HSPA4L: variants seen among roughly 807,000 people sequenced by gnomAD.
HSPA4L encodes heat shock protein family A (Hsp70) member 4 like, also known as heat shock 70 kDa protein 4L.
HSPA4L carries 48 observed loss-of-function variants against 100.3 expected under a neutral mutation model. That is an observed-to-expected ratio of 0.48 (90% CI 0.38 to 0.61). The LOEUF (loss-of-function observed/expected upper bound fraction) is 0.61, where lower values mean the gene tolerates loss of function less well. Among genes scored for constraint, HSPA4L ranks in the 20% least tolerant of loss-of-function variants. HSPA4L has a pLI of 0.00. For missense variants in HSPA4L, 886 were observed against 988.6 expected, an observed-to-expected ratio of 0.90 and a Z score of 1.39; for synonymous variants, 319 against 328.2, an observed-to-expected ratio of 0.97 and a Z score of 0.30.
Position 127,839,097 on chromosome 4 carries a change from T to C in HSPA4L, c.*6223T>C, listed in dbSNP as rs1348560041. 1 of 152,166 alleles carries C rather than the reference T, an allele frequency of 6.6e-6. No homozygotes were observed. Among genetic ancestry groups the C allele is most frequent in the African/African-American group, 2.4e-5 (1 of 41,430 alleles). The allele number at this position is 152,166 out of a possible 1,614,324, so 9.4% of individuals were successfully genotyped here. On this transcript the variant is annotated 3_prime_UTR_variant, in exon 19 of 19. Coordinates refer to ENST00000296464, the MANE Select transcript of HSPA4L (RefSeq NM_014278.4). ...CCCTCATTTTTAATCCAAATATCAA[T>C]TTGACAGAATAACAAGGGTCAGAAA...
chr4:127,784,842 A>T (rs1030770155), intron 1 of HSPA4L, among the ~76,000 whole-genome samples: 1 of 152,270 alleles, frequency 6.6e-6, no homozygotes, highest in East Asian at 1.9e-4. Flanking sequence ...ACACCACAGT[A>T]TTTAATAACA....
At chr4:127,811,404 T>C in intron 11 of HSPA4L, 33 bp from the exon 12 acceptor site, 2 of 1,505,716 alleles carry the variant, frequency 1.3e-6, no homozygotes, top group Non-Finnish European at 1.8e-6. Flanking sequence ...AATCTGAGGC[T>C]CACATACTGA....
rs1366175757 is a variant in HSPA4L, at chr4:127,827,442, C to CA, written c.2166+18_2166+19insA. On this transcript the variant is annotated intron_variant, in intron 17 of 18. Transcript: ENST00000296464. ...GAAACAAGGTATTGAATTCATAAAG[C>CA]CAATTGGTGACGATGGCATGTGCAT... is the stretch of plus-strand genomic sequence containing the variant. The CA allele has an allele frequency of 3.7e-6, 6 of 1,613,064 alleles. No individual in the cohort carries two copies. Among genetic ancestry groups the CA allele is most frequent in the Non-Finnish European group, 4.2e-6 (5 of 1,179,416 alleles).
In HSPA4L at chr4:127,832,841, T is replaced by C. The variant is rs1301686600; in HGVS notation, c.2487T>C (p.His829=). The change falls in exon 19 of 19, where the codon CAT becomes CAC. Residue 829 remains histidine, a synonymous_variant. Coordinates refer to ENST00000296464, the MANE Select transcript of HSPA4L (RefSeq NM_014278.4). The part of the protein sequence containing the change: ...KSDSTKDSSQ[H]TKSSGEMEVD ...ATTCAACAAAAGACAGCTCACAGCA[T>C]ACTAAATCCTCTGGAGAGATGGAAG... 6.2e-7 allele frequency: 1 copy of C among 1,611,298 alleles called. No homozygotes were observed.
intron 17 of HSPA4L, among the ~76,000 whole-genome samples, chr4:127,829,743 A>G (rs1355726650): frequency 6.6e-6 from 1 of 151,940 alleles, no homozygotes; most frequent in Non-Finnish European, 1.5e-5. Flanking sequence ...TATAGAGTTG[A>G]GAGTTAAGGG....
intron 11 of HSPA4L, 34 bp downstream of exon 11, chr4:127,808,163 G>A (rs747887401): frequency 6.4e-7 from 1 of 1,551,492 alleles, no homozygotes; most frequent in Non-Finnish European, 8.7e-7. Context: ...TAACATTTTG[G>A]CCTTTTATAA....
At chr4:127,789,398 G>C (rs532045956) in intron 1 of HSPA4L, among the ~76,000 whole-genome samples, 7 of 152,312 alleles carry the variant, frequency 4.6e-5, no homozygotes, top group South Asian at 4.1e-4. Context: ...TGTAATCCCA[G>C]CACTTTGGGA....
At chr4:127,783,422 GC>G in intron 1 of HSPA4L, 1 of 1,176,946 alleles carries the variant, frequency 8.5e-7, no homozygotes. Flanking sequence ...GGAGTCGGGG[GC>G]AGCTGTCCCG....
At chr4:127,795,698 A>C in intron 2 of HSPA4L, 70 bp from the exon 3 acceptor site, 1 of 1,463,970 alleles carries the variant, frequency 6.8e-7, no homozygotes, top group Non-Finnish European at 9.4e-7. Context: ...GGTGGTTGTC[A>C]AGTACTAGGA....
Position 127,832,705 on chromosome 4 carries a change from C to T in HSPA4L, c.2351C>T (p.Pro784Leu). Reference sequence around the variant, plus strand: ...TAGGAACTGGATAATTTCTGTAACCCCATCATTTACAAGCCCAAACCAAAA... The same window carrying T: ...TAGGAACTGGATAATTTCTGTAACCTCATCATTTACAAGCCCAAACCAAAA... ...KSKELDNFCN[P>L]IIYKPKPKAE... Residue 784 changes from proline to leucine, a missense_variant, in exon 19 of 19, where the codon CCC (proline) becomes CTC (leucine). Transcript: ENST00000296464. 6.2e-7 allele frequency: 1 copy of T among 1,608,482 alleles called. No homozygotes were observed. The highest frequency in any genetic ancestry group is 8.5e-7 in the Non-Finnish European group (1 of 1,177,298).
chr4:127,831,173 C>T (rs946541971), intron 18 of HSPA4L, among the ~76,000 whole-genome samples: 12 of 151,918 alleles, frequency 7.9e-5, no homozygotes, highest in African/African-American at 2.2e-4. Flanking sequence ...AATCTTATTC[C>T]GAGATAAACT....
chr4:127,786,140 G>T (rs1307570296), intron 1 of HSPA4L, among the ~76,000 whole-genome samples: 1 of 151,984 alleles, frequency 6.6e-6, no homozygotes, highest in African/African-American at 2.4e-5. Context: ...ATTGTCATAT[G>T]TATCACAATT....
chr4:127,782,706 C>T (rs1342486230), intron 1 of HSPA4L, 49 bp downstream of exon 1: 28 of 1,346,490 alleles, frequency 2.1e-5, no homozygotes, highest in Non-Finnish European at 2.9e-5. Flanking sequence ...ACGTTTTTCT[C>T]TCCCGTCCTT....
intron 2 of HSPA4L, among the ~76,000 whole-genome samples, chr4:127,795,015 C>G (rs1416219012): frequency 6.6e-6 from 1 of 152,036 alleles, no homozygotes; most frequent in Non-Finnish European, 1.5e-5. Flanking sequence ...TCATTTAGCA[C>G]TATGCTACAT....
intron 4 of HSPA4L, among the ~76,000 whole-genome samples, chr4:127,800,854 A>G (rs1300162762): frequency 1.3e-5 from 2 of 152,176 alleles, no homozygotes; most frequent in Non-Finnish European, 2.9e-5. Context: ...AGATGAGCAA[A>G]TATATTTTTA....
chr4:127,798,780 T>A, intron 4 of HSPA4L, 71 bp downstream of exon 4: 13 of 1,435,760 alleles, frequency 9.1e-6, no homozygotes, highest in Non-Finnish European at 9.5e-6. Flanking sequence ...ATTGAAAGAT[T>A]TTTCTTCCCT....
chr4:127,811,508 G>A lies in HSPA4L; in HGVS notation c.1450G>A (p.Val484Ile), dbSNP rs1733528823. ...TTCCAAAGTGAAGGTTAAAGTTCGT[G>A]TTAACATCCATGGAATCTTCAGTGT... ...DSSKVKVKVR[V>I]NIHGIFSVAS... is the part of the protein sequence containing the mutation. The change falls in exon 12 of 19, where the codon GTT becomes ATT. Residue 484 changes from valine to isoleucine, a missense_variant. Transcript: ENST00000296464. 6.2e-7 allele frequency: 1 copy of A among 1,613,948 alleles called. No individual in the cohort carries two copies. Among genetic ancestry groups the A allele is most frequent in the Non-Finnish European group, 8.5e-7 (1 of 1,179,942 alleles).
intron 12 of HSPA4L, 95 bp downstream of exon 12, chr4:127,811,731 C>T (rs1733537352): frequency 2.2e-6 from 2 of 900,204 alleles, no homozygotes; most frequent in Non-Finnish European, 3.3e-6. Context: ...ATACATTACT[C>T]TCTGAGGTTT....
At chr4:127,794,521 A>G (rs961013217) in intron 2 of HSPA4L, among the ~76,000 whole-genome samples, 3 of 152,042 alleles carry the variant, frequency 2.0e-5, no homozygotes, top group Admixed American at 1.3e-4. Context: ...TAATTTCCAG[A>G]GTAACTCAAC....
Sources: gnomAD v4.1 joint callset for allele counts (sites outside exome capture counted in the v4.1 genomes callset) on GRCh38, gnomAD v4.1.1 for gene constraint, MANE v1.5 for transcripts, NCBI Gene and HGNC (gene_info 2026-07-23, HGNC 2026-07-21) for gene names.